CHD7: variants seen among roughly 807,000 people sequenced by gnomAD.
CHD7 encodes chromodomain helicase DNA binding protein 7.
CHD7 carries 24 observed loss-of-function variants against 307.3 expected under a neutral mutation model. That is an observed-to-expected ratio of 0.08 (90% CI 0.06 to 0.11). CHD7 has a LOEUF of 0.11. CHD7 is among the 10% of genes least tolerant of loss of function. The pLI is 1.00. For synonymous variants in CHD7, 1,363 were observed against 1,349.9 expected (o/e 1.01, Z -0.21); for missense variants, 3,106 against 3,727.1 (o/e 0.83, Z 4.34).
intron 8 of CHD7, among the ~76,000 whole-genome samples, chr8:60,819,125 T>G (rs1181159823): frequency 6.6e-6 from 1 of 152,132 alleles, no homozygotes; most frequent in Non-Finnish European, 1.5e-5. Flanking sequence ...AGCTTATTTT[T>G]TGTATTTTTA....
chr8:60,821,822 A>G lies in CHD7; in HGVS notation c.2730A>G (p.Ser910=), dbSNP rs1368229041. Residue 910 remains serine, a synonymous_variant, in exon 10 of 38, where the codon TCA becomes TCG. Coordinates refer to ENST00000423902, the MANE Select transcript of CHD7 (RefSeq NM_017780.4). ...PVTHYLVKWC[S]LPYEDSTWER... is the part of the protein sequence containing the mutation. ...CTCACTATCTGGTGAAGTGGTGTTC[A>G]CTTCCTTATGAAGACAGCACGTGGG... 1.9e-6 allele frequency: 3 copies of G among 1,570,822 alleles called. No homozygotes were observed. The highest frequency in any genetic ancestry group is 2.6e-6 in the Non-Finnish European group (3 of 1,157,458).
chr8:60,750,012 A>T (rs181671612), intron 2 of CHD7, among the ~76,000 whole-genome samples: 3 of 152,352 alleles, frequency 2.0e-5, no homozygotes, highest in Admixed American at 2.0e-4. Flanking sequence ...TGTCAAGTTA[A>T]AGCACAGGGA....
At chr8:60,808,343 A>T (rs1812634559) in intron 7 of CHD7, 71 bp downstream of exon 7, 57 of 902,494 alleles carry the variant, frequency 6.3e-5, no homozygotes, top group Non-Finnish European at 7.8e-5. Flanking sequence ...ATTTTTTTTT[A>T]AAGTTGGGAA....
intron 1 of CHD7, among the ~76,000 whole-genome samples, chr8:60,735,391 G>A (rs1434028294): frequency 6.6e-6 from 1 of 152,106 alleles, no homozygotes; most frequent in Non-Finnish European, 1.5e-5. Flanking sequence ...TAATATGAAT[G>A]GAGGTTACCA....
At position 60,838,002 on chromosome 8, in the gene CHD7, T is replaced by A. The variant is rs1804813569; in HGVS notation, c.4354-74T>A. 5 of 1,302,668 alleles carry A rather than the reference T, an allele frequency of 3.8e-6. No homozygotes were observed. The South Asian group carries it at 8.6e-5, about 22-fold the overall frequency. 80.7% of individuals were successfully genotyped at this position (1,302,668 alleles called of 1,614,324 possible). A position where few individuals can be genotyped will look rare whatever the true frequency, so the allele number is the denominator to read the frequency against. ...TTAGGTTTACTCTCTTTGAGAAAAA[T>A]GCAGCATTTGTTTAGTCTGCAAACC... On this transcript the variant is annotated intron_variant, in intron 18 of 37. Transcript: ENST00000423902.
chr8:60,773,709 T>TG (rs1810819236), intron 2 of CHD7, among the ~76,000 whole-genome samples: 1 of 152,178 alleles, frequency 6.6e-6, no homozygotes, highest in African/African-American at 2.4e-5. Context: ...CTAATTTTTT[T>TG]GTGGTTCCTG....
intron 2 of CHD7, among the ~76,000 whole-genome samples, chr8:60,764,988 G>A (rs140670086): frequency 3.9e-5 from 6 of 152,222 alleles, no homozygotes; most frequent in African/African-American, 1.4e-4. Flanking sequence ...TGTGTTGAGC[G>A]CTCTGGAGGT....
intron 34 of CHD7, among the ~76,000 whole-genome samples, chr8:60,859,684 G>A (rs1805878299): frequency 6.6e-6 from 1 of 152,236 alleles, no homozygotes; most frequent in Admixed American, 6.5e-5. Flanking sequence ...GGTTGGCAGA[G>A]AACATGTGTA....
intron 37 of CHD7, 102 bp downstream of exon 37, chr8:60,862,754 T>G: frequency 1.3e-6 from 1 of 765,174 alleles, no homozygotes; most frequent in Non-Finnish European, 2.2e-6. Context: ...AGTTGTAACT[T>G]AGCTTAAAAG....
intron 6 of CHD7, among the ~76,000 whole-genome samples, chr8:60,806,628 A>T (rs1812548567): frequency 6.6e-6 from 1 of 152,254 alleles, no homozygotes. Flanking sequence ...ATTATGGCAC[A>T]ACCAGATATT....
Position 60,853,122 on chromosome 8 carries a change from C to A in CHD7, c.6397C>A (p.Gln2133Lys), listed in dbSNP as rs1370877838. ...CTTGGATGCACATAAAAACTTTGCT[C>A]AAAACAGAGGGGCAGGTAATACATC... is the stretch of plus-strand genomic sequence containing the variant. ...SFLDAHKNFA[Q>K]NRGAGNTSSL... Residue 2133 changes from glutamine to lysine, a missense_variant, in exon 31 of 38, where the codon CAA becomes AAA. Physicochemically the swap from Gln to Lys is moderately conservative, Grantham distance 53. This residue lies in a region of CHD7 where 1,030 missense variants were observed against 1,165.4 expected (regional missense o/e 0.88). Transcript: ENST00000423902. 6.2e-7 allele frequency: 1 copy of A among 1,613,904 alleles called. No homozygotes were observed. The highest frequency in any genetic ancestry group is 1.1e-5 in the South Asian group (1 of 91,060).
intron 1 of CHD7, among the ~76,000 whole-genome samples, chr8:60,723,335 A>T (rs1808003190): frequency 6.6e-6 from 1 of 152,206 alleles, no homozygotes; most frequent in Non-Finnish European, 1.5e-5. Flanking sequence ...TCAAGTCTGT[A>T]TAACCGTAGT....
chr8:60,680,519 C>T (rs893792804), intron 1 of CHD7, among the ~76,000 whole-genome samples: 5 of 151,956 alleles, frequency 3.3e-5, no homozygotes, highest in Admixed American at 3.3e-4. Context: ...AGCCGCCTTT[C>T]TCCGGATGGC....
rs186404417 is a variant in CHD7 at position 60,844,435 on chromosome 8, C to T, written c.4851-429C>T. On this transcript the variant is annotated intron_variant, in intron 21 of 37. Transcript: ENST00000423902. ...TTGATGCGGCCATACTGCTCAGCAT[C>T]GCATCCTTGATTTTGGGGTAGTCAC... Among the ~76,000 whole-genome samples, 13 of 152,278 alleles carry T rather than the reference C, an allele frequency of 8.5e-5. No individual in the cohort carries two copies. In the East Asian group the frequency reaches 1.7e-3, roughly 20 times the overall value.
rs78515619 is a variant in CHD7 at position 60,818,316 on chromosome 8, G to A, written c.2614-1691G>A. On this transcript the variant is annotated intron_variant, in intron 8 of 37. Transcript: ENST00000423902. ...AAACATCATTTAGACTGGAAATTTC[G>A]TCACATGTGTGATGCCGCAGATTAC... is the stretch of plus-strand genomic sequence containing the variant. Among the ~76,000 whole-genome samples the A allele has an allele frequency of 6.4e-3, 979 of 152,282 alleles. 13 individuals are homozygous for A. The highest frequency in any genetic ancestry group is 0.029 in the South Asian group (140 of 4,828).
In CHD7 at chr8:60,751,446, G is replaced by A. The variant is rs1216472593; in HGVS notation, c.1665+8349G>A. On this transcript the variant is annotated intron_variant, in intron 2 of 37. Coordinates refer to ENST00000423902, the MANE Select transcript of CHD7 (RefSeq NM_017780.4). ...AAGTGGGTTAGGGGGACAATTAAGG[G>A]AACAGCATTGTGAGAACTAATCTGG... Among the ~76,000 whole-genome samples, 6 of 152,312 alleles carry A rather than the reference G, an allele frequency of 3.9e-5. No homozygotes were observed. The East Asian group carries it at 1.2e-3, about 29-fold the overall frequency.
In CHD7 at chr8:60,781,201, G is replaced by C. The variant is rs375905260; in HGVS notation, c.1867G>C (p.Gly623Arg). ...TTTTGGTAAAGATGACTTCCCTGGT[G>C]GGGTAGATAACCAAGAACTAAATAG... ...KGFGKDDFPG[G>R]VDNQELNRNS... Residue 623 changes from glycine to arginine, a missense_variant, in exon 3 of 38, where the codon GGG becomes CGG. By Grantham distance (125) the Gly-to-Arg change is moderately radical. Transcript: ENST00000423902. 3.9e-5 allele frequency: 63 copies of C among 1,600,350 alleles called. No homozygotes were observed. The highest frequency in any genetic ancestry group is 5.0e-5 in the Non-Finnish European group (59 of 1,173,132).
intron 2 of CHD7, among the ~76,000 whole-genome samples, chr8:60,769,552 T>G: frequency 6.6e-6 from 1 of 152,232 alleles, no homozygotes; most frequent in South Asian, 2.1e-4. Flanking sequence ...GAACATGACA[T>G]AGATCACAGA....
At chr8:60,846,040 T>C (rs1338247144) in intron 23 of CHD7, among the ~76,000 whole-genome samples, 1 of 152,240 alleles carries the variant, frequency 6.6e-6, no homozygotes, top group Non-Finnish European at 1.5e-5. Context: ...CAGAATTTCA[T>C]TCCTGTTTAT....
Sources: allele counts gnomAD v4.1 joint callset (sites outside exome capture counted in the v4.1 genomes callset), GRCh38; gene constraint gnomAD v4.1.1; regional missense constraint gnomAD v4.1.1; transcripts MANE v1.5; gene names NCBI Gene and HGNC (gene_info 2026-07-23, HGNC 2026-07-21).